The following LRMDA variants were observed in gnomAD, a reference collection of about 807,000 sequenced individuals.
LRMDA encodes the protein leucine rich melanocyte differentiation associated.
A neutral mutation model predicts 29.8 loss-of-function variants in LRMDA; 18 were observed. That is an observed-to-expected ratio of 0.60 (90% confidence interval 0.42 to 0.90). LRMDA has a LOEUF of 0.90. Among genes scored for constraint, LRMDA ranks in the 40% least tolerant of loss-of-function variants. The probability of loss-of-function intolerance (pLI) is 0.00; values close to 1 mark genes in which losing one functional copy is unlikely to be tolerated. For missense variants in LRMDA, 273 were observed against 273.9 expected (o/e 1.00, Z 0.02); for synonymous variants, 125 against 109.4 (o/e 1.14, Z -0.89).
intron 5 of LRMDA, among the ~76,000 whole-genome samples, chr10:76,181,204 C>G (rs1472908271): frequency 3.0e-4 from 46 of 152,178 alleles, no homozygotes; most frequent in Admixed American, 3.0e-3. Flanking sequence ...ATACATTTCT[C>G]AAGGGCCCAC....
At chr10:75,560,657 A>G (rs1781812430) in intron 2 of LRMDA, among the ~76,000 whole-genome samples, 2 of 149,938 alleles carry the variant, frequency 1.3e-5, no homozygotes, top group Non-Finnish European at 1.5e-5. Flanking sequence ...TCAGTATGAT[A>G]TTGGCTGTGG....
rs1280785863 is a variant in LRMDA at position 75,690,992 on chromosome 10, T to TACACACACACACAC, written c.131+252499_131+252500insCACACACACACACA. ...CTTAAAAAAAAAATATATATATATATATACACACACACACACACACACACA... is the reference window on the plus strand; with the variant it reads ...CTTAAAAAAAAAATATATATATATATACACACACACACACATACACACACACACACACACACACA... On this transcript the variant is annotated intron_variant, in intron 2 of 6. Coordinates refer to ENST00000611255, the MANE Select transcript of LRMDA (RefSeq NM_001305581.2). 6.4e-5 allele frequency among the ~76,000 whole-genome samples: 6 copies of TACACACACACACAC among 94,054 alleles called. 1 individual carries two copies. Among genetic ancestry groups the TACACACACACACAC allele is most frequent in the African/African-American group, 2.7e-4 (6 of 22,142 alleles). The allele number at this position is 94,054 out of a possible 152,430, so 61.7% of individuals were successfully genotyped here. A position where few individuals can be genotyped will look rare whatever the true frequency, so the allele number is the denominator to read the frequency against.
intron 5 of LRMDA, among the ~76,000 whole-genome samples, chr10:76,320,285 C>T (rs542398366): frequency 2.2e-4 from 34 of 152,188 alleles, no homozygotes; most frequent in South Asian, 1.2e-3. Context: ...ACTCTTTGAT[C>T]GTGAGCAGGA....
intron 2 of LRMDA, among the ~76,000 whole-genome samples, chr10:75,595,623 A>T (rs866058029): frequency 1.5e-4 from 23 of 149,994 alleles, no homozygotes; most frequent in Middle Eastern, 3.5e-3. Flanking sequence ...TTTCTGAGTG[A>T]TAAGTGGTGT....
At chr10:76,114,880 T>TC (rs1307028004) in intron 5 of LRMDA, among the ~76,000 whole-genome samples, 5 of 152,078 alleles carry the variant, frequency 3.3e-5, no homozygotes, top group East Asian at 1.9e-4. Flanking sequence ...GGCTTGCTTG[T>TC]CCCCCCTGAA....
At chr10:75,694,742 G>A (rs1411001936) in intron 2 of LRMDA, among the ~76,000 whole-genome samples, 3 of 152,056 alleles carry the variant, frequency 2.0e-5, no homozygotes, top group Admixed American at 6.6e-5. Flanking sequence ...CTGAAATATC[G>A]GCTGTATATG....
chr10:75,574,317 A>T (rs1469893711), intron 2 of LRMDA, among the ~76,000 whole-genome samples: 1 of 151,942 alleles, frequency 6.6e-6, no homozygotes, highest in Non-Finnish European at 1.5e-5. Context: ...ATTTTAGGGG[A>T]GAGTTATGTT....
At chr10:76,057,520 A>T (rs1237778116) in intron 4 of LRMDA, among the ~76,000 whole-genome samples, 1 of 152,200 alleles carries the variant, frequency 6.6e-6, no homozygotes, top group Non-Finnish European at 1.5e-5. Context: ...CCAAGAAAAT[A>T]ATTAGAAAAC....
At chr10:76,144,232 G>T (rs1476161571) in intron 5 of LRMDA, among the ~76,000 whole-genome samples, 2 of 152,296 alleles carry the variant, frequency 1.3e-5, no homozygotes, top group East Asian at 3.9e-4. Flanking sequence ...TGTGAAGAAA[G>T]CCATTGGTAG....
At chr10:76,102,693 C>G (rs2132103905) in intron 5 of LRMDA, among the ~76,000 whole-genome samples, 1 of 152,264 alleles carries the variant, frequency 6.6e-6, no homozygotes, top group African/African-American at 2.4e-5. Context: ...CACTCTGTCA[C>G]CCAAGCTGTA....
chr10:76,341,822 G>A (rs774915121), intron 6 of LRMDA, among the ~76,000 whole-genome samples: 2 of 152,166 alleles, frequency 1.3e-5, no homozygotes, highest in Non-Finnish European at 2.9e-5. Flanking sequence ...TAGTAGCAGA[G>A]TTCTAAGGGT....
chr10:76,537,196 G>A (rs956162053), intron 6 of LRMDA, among the ~76,000 whole-genome samples: 1 of 152,124 alleles, frequency 6.6e-6, no homozygotes, highest in Non-Finnish European at 1.5e-5. Context: ...TAGGCTTACT[G>A]TGTACATTCC....
At chr10:76,379,224 G>T (rs1050983139) in intron 6 of LRMDA, among the ~76,000 whole-genome samples, 8 of 150,438 alleles carry the variant, frequency 5.3e-5, no homozygotes, top group Non-Finnish European at 1.0e-4. Context: ...TTTGGTATCA[G>T]GGTGATATTG....
intron 5 of LRMDA, among the ~76,000 whole-genome samples, chr10:76,121,108 A>C (rs1437882031): frequency 6.6e-6 from 1 of 151,642 alleles, no homozygotes; most frequent in Non-Finnish European, 1.5e-5. Context: ...ACCCGCACGT[A>C]GGATCTCAAT....
At chr10:76,323,582 G>A (rs980665511) in intron 5 of LRMDA, among the ~76,000 whole-genome samples, 1 of 152,120 alleles carries the variant, frequency 6.6e-6, no homozygotes, top group African/African-American at 2.4e-5. Context: ...GCTACACTGT[G>A]AGTGTGGCAT....
At chr10:76,196,172 G>A (rs1851328903) in intron 5 of LRMDA, among the ~76,000 whole-genome samples, 4 of 152,166 alleles carry the variant, frequency 2.6e-5, no homozygotes. Context: ...TTGCCAACTG[G>A]CAAAATGAAT....
At chr10:76,229,209 G>C (rs1285264977) in intron 5 of LRMDA, among the ~76,000 whole-genome samples, 1 of 152,142 alleles carries the variant, frequency 6.6e-6, no homozygotes, top group Non-Finnish European at 1.5e-5. Context: ...GAATTGAAAT[G>C]ACAATAGACC....
chr10:76,512,407 T>A (rs1843017331), intron 6 of LRMDA, among the ~76,000 whole-genome samples: 1 of 152,156 alleles, frequency 6.6e-6, no homozygotes, highest in South Asian at 2.1e-4. Context: ...AAGTTAAAAA[T>A]TCAGAAATAA....
chr10:75,856,612 C>G (rs1356371046), intron 2 of LRMDA, among the ~76,000 whole-genome samples: 6 of 152,108 alleles, frequency 3.9e-5, no homozygotes, highest in African/African-American at 1.4e-4. Context: ...GCAGAAAAGG[C>G]CTTTGACAAA....
Sources: allele counts gnomAD v4.1 joint callset (sites outside exome capture counted in the v4.1 genomes callset), GRCh38; gene constraint gnomAD v4.1.1; transcripts MANE v1.5; gene names NCBI Gene and HGNC (gene_info 2026-07-23, HGNC 2026-07-21).